Variants in CACNA1C observed in about 807,000 individuals in gnomAD.
CACNA1C encodes voltage-dependent L-type calcium channel subunit alpha-1C.
In CACNA1C, 30 loss-of-function variants were observed where a neutral mutation model predicts 229.0. The ratio of observed to expected loss-of-function variants is 0.13; its 90% CI spans 0.10 to 0.18. The LOEUF (loss-of-function observed/expected upper bound fraction) is 0.18, where lower values mean the gene tolerates loss of function less well. Among genes scored for constraint, CACNA1C ranks in the 10% least tolerant of loss-of-function variants. The pLI is 1.00. For synonymous variants in CACNA1C, 1,114 were observed against 1,132.5 expected (o/e 0.98, Z 0.33); for missense variants, 1,658 against 2,845.0 (o/e 0.58, Z 9.49).
chr12:2,572,334 TC>T (rs2055200011), intron 13 of CACNA1C, among the ~76,000 whole-genome samples: 1 of 43,602 alleles, frequency 2.3e-5, no homozygotes, highest in Non-Finnish European at 4.7e-5. Context: ...CTCCTCCTTC[TC>T]TTCTTCCTCC....
intron 4 of CACNA1C, among the ~76,000 whole-genome samples, chr12:2,450,491 T>C (rs1308197814): frequency 7.6e-6 from 1 of 132,316 alleles, no homozygotes; most frequent in Non-Finnish European, 1.5e-5. Flanking sequence ...GAGGCGGAGC[T>C]TACAGTGAGC....
chr12:2,349,443 G>A (rs1466312199), intron 3 of CACNA1C, among the ~76,000 whole-genome samples: 1 of 152,122 alleles, frequency 6.6e-6, no homozygotes, highest in Non-Finnish European at 1.5e-5. Context: ...AAAATGGAAG[G>A]GCTCAGGTGA....
chr12:1,977,603 G>T (rs1182515391), intron 1 of CACNA1C, among the ~76,000 whole-genome samples: 1 of 152,160 alleles, frequency 6.6e-6, no homozygotes, highest in African/African-American at 2.4e-5. Context: ...TGGCACCACA[G>T]AATATAAGTA....
intron 3 of CACNA1C, among the ~76,000 whole-genome samples, chr12:2,190,303 G>A (rs1309286471): frequency 1.3e-5 from 2 of 152,100 alleles, no homozygotes; most frequent in African/African-American, 2.4e-5. Context: ...GCCAGCCAGC[G>A]TTCTCCCAGG....
intron 1 of CACNA1C, among the ~76,000 whole-genome samples, chr12:2,074,512 C>T (rs2062467510): frequency 1.3e-5 from 2 of 152,138 alleles, no homozygotes; most frequent in Admixed American, 1.3e-4. Context: ...CCCTGCTCTT[C>T]TTCCTTTGTA....
intron 3 of CACNA1C, among the ~76,000 whole-genome samples, chr12:2,129,662 G>A (rs1263571406): frequency 6.6e-6 from 1 of 152,068 alleles, no homozygotes; most frequent in Non-Finnish European, 1.5e-5. Flanking sequence ...CTTTTTCTGG[G>A]ACTATACAAT....
intron 30 of CACNA1C, among the ~76,000 whole-genome samples, chr12:2,644,607 T>A (rs2094136733): frequency 6.6e-6 from 1 of 152,004 alleles, no homozygotes; most frequent in Non-Finnish European, 1.5e-5. Context: ...GGTGGGAAAA[T>A]CCTCCACCTG....
intron 4 of CACNA1C, among the ~76,000 whole-genome samples, chr12:2,450,424 G>C (rs1025682693): frequency 6.6e-6 from 1 of 151,586 alleles, no homozygotes; most frequent in Admixed American, 6.6e-5. Flanking sequence ...CGAGGTGGCG[G>C]GCGCCTGTAG....
chr12:2,537,728 C>G (rs1265507630), intron 9 of CACNA1C, among the ~76,000 whole-genome samples: 2 of 152,252 alleles, frequency 1.3e-5, no homozygotes, highest in African/African-American at 4.8e-5. Context: ...GACCACCACA[C>G]TCCATGTCTA....
intron 13 of CACNA1C, among the ~76,000 whole-genome samples, chr12:2,568,073 C>T (rs902103478): frequency 1.1e-4 from 16 of 152,194 alleles, no homozygotes; most frequent in African/African-American, 3.6e-4. Flanking sequence ...GCTGAGGTGC[C>T]TTCAAGAAGA....
At chr12:2,245,285 G>A (rs2072612634) in intron 3 of CACNA1C, among the ~76,000 whole-genome samples, 1 of 152,180 alleles carries the variant, frequency 6.6e-6, no homozygotes, top group Non-Finnish European at 1.5e-5. Context: ...CTTCTTAGCT[G>A]AGCCATTCTC....
Position 2,045,982 on chromosome 12 carries a change from G to A in CACNA1C, c.140-69242G>A, listed in dbSNP as rs565559994. Among the ~76,000 whole-genome samples, 6 of 151,876 alleles carry A rather than the reference G, an allele frequency of 4.0e-5. No individual in the cohort carries two copies. The East Asian group carries it at 1.2e-3, about 30-fold the overall frequency. On this transcript the variant is annotated intron_variant, in intron 1 of 46. Transcript: ENST00000682462. ...GACTGCCAGAAGATGAGGAGGCAAG[G>A]TGACCATGGAGACAGTGTGATGTGG...
rs1424080574 is a variant in CACNA1C at position 2,490,613 on chromosome 12, C to A, written c.917-2577C>A. On this transcript the variant is annotated intron_variant, in intron 6 of 46. Coordinates refer to ENST00000399655, the MANE Select transcript of CACNA1C (RefSeq NM_000719.7). The stretch of plus-strand genomic sequence containing the variant: ...TCTAATTGGCTCTTGGTTTTCCAGT[C>A]TCTCAGCTCCCAAATTTTTCGGTGC... 3.9e-5 allele frequency among the ~76,000 whole-genome samples: 6 copies of A among 152,354 alleles called. No homozygotes were observed. The East Asian group carries it at 9.6e-4, about 24-fold the overall frequency.
At chr12:2,024,245 T>C (rs3847949) in intron 1 of CACNA1C, among the ~76,000 whole-genome samples, 2,424 of 152,336 alleles carry the variant, frequency 0.016, 65 homozygotes, top group African/African-American at 0.055. Flanking sequence ...GCTTCTCTCC[T>C]GACTTCCACG....
intron 1 of CACNA1C, among the ~76,000 whole-genome samples, chr12:1,978,785 G>A (rs879644536): frequency 2.6e-5 from 4 of 152,160 alleles, no homozygotes; most frequent in Non-Finnish European, 5.9e-5. Context: ...AAATGGGGTC[G>A]TACAGTATAT....
At chr12:2,519,262 T>C (rs1197223358) in intron 9 of CACNA1C, among the ~76,000 whole-genome samples, 2 of 152,158 alleles carry the variant, frequency 1.3e-5, no homozygotes. Flanking sequence ...GGCCAGAGCA[T>C]GGGAATGTCA....
In CACNA1C at chr12:2,310,352, AAT is replaced by A. The variant is rs35448122; in HGVS notation, c.478-138605_478-138604del. ...CCTCTGCCTCCCAGTTAAAAAAAAA[AAT>A]ATATATATATATATATATGTATGGG... On this transcript the variant is annotated intron_variant, in intron 3 of 46. Coordinates refer to ENST00000399655, the MANE Select transcript of CACNA1C (RefSeq NM_000719.7). Among the ~76,000 whole-genome samples the A allele has an allele frequency of 2.5e-3, 352 of 139,822 alleles. 2 individuals are homozygous for A. The highest frequency in any genetic ancestry group is 8.7e-3 in the African/African-American group (328 of 37,646). The allele number at this position is 139,822 out of a possible 152,430, so 91.7% of individuals were successfully genotyped here.
chr12:2,695,678 C>T lies in CACNA1C; in HGVS notation c.*4479C>T, dbSNP rs1164164273. 6.6e-6 allele frequency: 1 copy of T among 152,300 alleles called. No individual in the cohort carries two copies. Among genetic ancestry groups the T allele is most frequent in the Non-Finnish European group, 1.5e-5 (1 of 68,080 alleles). The allele number at this position is 152,300 out of a possible 1,614,324, so 9.4% of individuals were successfully genotyped here. The stretch of plus-strand genomic sequence containing the variant: ...CTCCCCAGCCCCAGCTCCCTGTCCT[C>T]CCCAACACCTAGTGAGAAAGACGGT... On this transcript the variant is annotated 3_prime_UTR_variant, in exon 47 of 47. Coordinates refer to ENST00000399655, the MANE Select transcript of CACNA1C (RefSeq NM_000719.7).
rs368085696 is a variant in CACNA1C, at chr12:2,665,531, G to A, written c.4399-50G>A. The A allele has an allele frequency of 6.9e-6, 11 of 1,604,220 alleles. No individual in the cohort carries two copies. The highest frequency in any genetic ancestry group is 8.5e-6 in the Non-Finnish European group (10 of 1,174,402). On this transcript the variant is annotated intron_variant, in intron 35 of 46. Coordinates refer to ENST00000399655, the MANE Select transcript of CACNA1C (RefSeq NM_000719.7). The surrounding 1 kb of genome is among the most constrained non-coding windows in gnomAD (Gnocchi z 5.9). Reference sequence around the variant, plus strand: ...AGCTGGCAAGGGGGTTCCAGAGGCAGGTGTGTAGGAAGGTCTTCTCACAGC... The same window carrying A: ...AGCTGGCAAGGGGGTTCCAGAGGCAAGTGTGTAGGAAGGTCTTCTCACAGC...
Sources: gnomAD v4.1 joint callset for allele counts (sites outside exome capture counted in the v4.1 genomes callset) on GRCh38, gnomAD v4.1.1 for gene constraint, Gnocchi (gnomAD v3.1) non-coding constraint, MANE v1.5 for transcripts, NCBI Gene and HGNC (gene_info 2026-07-23, HGNC 2026-07-21) for gene names.